The following WDR82 variants were observed in gnomAD, a reference collection of about 807,000 sequenced individuals.
WDR82 encodes the protein WD repeat-containing protein 82.
Under a neutral mutation model 36.1 loss-of-function variants are expected in WDR82, and 8 were observed. The ratio of observed to expected loss-of-function variants is 0.22; its 90% CI spans 0.13 to 0.40. The LOEUF (loss-of-function observed/expected upper bound fraction) is 0.40. Ranked by LOEUF, WDR82 falls within the 10% of genes least tolerant of loss-of-function variation. WDR82 has a pLI of 1.00. For synonymous variants in WDR82, 129 were observed against 137.8 expected, an observed-to-expected ratio of 0.94 and a Z score of 0.45; for missense variants, 185 against 400.5, an observed-to-expected ratio of 0.46 and a Z score of 4.59.
intron 1 of WDR82, among the ~76,000 whole-genome samples, chr3:52,275,322 A>G (rs6809248): frequency 0.16 from 25,087 of 152,166 alleles, 2,852 homozygotes; most frequent in African/African-American, 0.32. Flanking sequence ...AAAATTTTTC[A>G]TCATATTATT....
Position 52,270,750 on chromosome 3 carries a change from G to C in WDR82, c.221C>G (p.Ala74Gly), listed in dbSNP as rs1277597598. The change falls in exon 2 of 9, where the codon GCA becomes GGA. Residue 74 changes from alanine (A) to glycine (G), a missense_variant. Physicochemically the swap from Ala to Gly is moderately conservative, Grantham distance 60 (BLOSUM62 0). Coordinates refer to ENST00000296490, the MANE Select transcript of WDR82 (RefSeq NM_025222.4). The part of the protein sequence containing the change: ...YGVDLIRYTH[A>G]ANTVVYSSNK... ...AGAGCTGTAAACAACTGTGTTTGCTGCATGAGTGTATCTGATGAGGTCCAC... is the reference window on the plus strand; with the variant it reads ...AGAGCTGTAAACAACTGTGTTTGCTCCATGAGTGTATCTGATGAGGTCCAC... 1.9e-6 allele frequency: 3 copies of C among 1,613,406 alleles called. 1 individual carries two copies. The highest frequency in any genetic ancestry group is 4.5e-5 in the East Asian group (2 of 44,844).
At chr3:52,264,000 T>C (rs892120764) in intron 3 of WDR82, among the ~76,000 whole-genome samples, 1 of 151,990 alleles carries the variant, frequency 6.6e-6, no homozygotes, top group Non-Finnish European at 1.5e-5. Flanking sequence ...CCTGTCTCTA[T>C]AAAAACACAA....
intron 1 of WDR82, among the ~76,000 whole-genome samples, chr3:52,277,054 C>A (rs1578013352): frequency 7.6e-6 from 1 of 131,782 alleles, no homozygotes; most frequent in African/African-American, 2.8e-5. Context: ...TGGAGAAAAA[C>A]CCAAGATCTC....
chr3:52,257,452 C>T lies in WDR82; in HGVS notation c.*38G>A, dbSNP rs775255795. ...TCCCTCTGAGTTTCTTCCTGCTGGC[C>T]GCCCTCACTATACAGAAATAGCCAA... is the stretch of plus-strand genomic sequence containing the variant. On this transcript the variant is annotated 3_prime_UTR_variant, in exon 9 of 9. Coordinates refer to ENST00000296490, the MANE Select transcript of WDR82 (RefSeq NM_025222.4). 3.7e-6 allele frequency: 6 copies of T among 1,613,896 alleles called. No homozygotes were observed. Among genetic ancestry groups the T allele is most frequent in the South Asian group, 3.3e-5 (3 of 91,080 alleles).
chr3:52,262,031 A>T (rs1700066646), intron 3 of WDR82, among the ~76,000 whole-genome samples: 1 of 152,260 alleles, frequency 6.6e-6, no homozygotes, highest in South Asian at 2.1e-4. Flanking sequence ...TGGATGGACA[A>T]ACAAAATGTG....
chr3:52,274,290 G>A (rs1225262737), intron 1 of WDR82, among the ~76,000 whole-genome samples: 1 of 152,190 alleles, frequency 6.6e-6, no homozygotes, highest in Non-Finnish European at 1.5e-5. Flanking sequence ...GCCTTCGGCC[G>A]GTCACAGTAG....
At position 52,270,748 on chromosome 3, in the gene WDR82, C is replaced by T. The variant is rs1203689448; in HGVS notation, c.223G>A (p.Ala75Thr). Residue 75 changes from alanine to threonine, a missense_variant, in exon 2 of 9, where the codon GCA becomes ACA. Coordinates refer to ENST00000296490, the MANE Select transcript of WDR82 (RefSeq NM_025222.4). ...TTAGAGCTGTAAACAACTGTGTTTG[C>T]TGCATGAGTGTATCTGATGAGGTCC... ...GVDLIRYTHA[A>T]NTVVYSSNKI... The T allele has an allele frequency of 6.2e-7, 1 of 1,613,402 alleles. No individual in the cohort carries two copies. The highest frequency in any genetic ancestry group is 8.5e-7 in the Non-Finnish European group (1 of 1,179,694).
intron 1 of WDR82, among the ~76,000 whole-genome samples, chr3:52,274,304 A>C (rs1700181440): frequency 6.6e-6 from 1 of 152,244 alleles, no homozygotes; most frequent in Non-Finnish European, 1.5e-5. Context: ...ACAGTAGCTA[A>C]CACCTGTAAT....
chr3:52,266,367 A>G (rs1405239405), intron 3 of WDR82, among the ~76,000 whole-genome samples: 1 of 152,036 alleles, frequency 6.6e-6, no homozygotes, highest in Non-Finnish European at 1.5e-5. Flanking sequence ...TTCTAGTTTT[A>G]TATGTATATA....
intron 1 of WDR82, among the ~76,000 whole-genome samples, chr3:52,271,951 G>A (rs759165773): frequency 6.6e-6 from 1 of 152,140 alleles, no homozygotes; most frequent in Non-Finnish European, 1.5e-5. Context: ...TTAGCCGGGT[G>A]TGGTGGCACA....
At chr3:52,269,914 A>G (rs1177069555) in intron 2 of WDR82, among the ~76,000 whole-genome samples, 1 of 152,212 alleles carries the variant, frequency 6.6e-6, no homozygotes, top group South Asian at 2.1e-4. Context: ...TCAATTTCTA[A>G]AAGTAACTCT....
At chr3:52,265,232 G>A (rs1449205240) in intron 3 of WDR82, among the ~76,000 whole-genome samples, 1 of 141,842 alleles carries the variant, frequency 7.1e-6, no homozygotes, top group Non-Finnish European at 1.5e-5. Context: ...CCCAAGAGGC[G>A]GAGCCTGCAG....
chr3:52,278,375 G>A lies in WDR82; in HGVS notation c.-14C>T, dbSNP rs747554369. The A allele has an allele frequency of 1.5e-5, 23 of 1,522,172 alleles. No homozygotes were observed. In the African/African-American group the frequency reaches 2.9e-4, roughly 19 times the overall value. The allele number at this position is 1,522,172 out of a possible 1,614,324, so 94.3% of individuals were successfully genotyped here. On this transcript the variant is annotated 5_prime_UTR_variant, in exon 1 of 9. Coordinates refer to ENST00000296490, the MANE Select transcript of WDR82 (RefSeq NM_025222.4). ...GGTCAGCTTCATGGCGGCGGCTGGG[G>A]AAGGCAGCGGCGGCGCAGGGCCGGG...
chr3:52,265,707 T>C (rs918580232), intron 3 of WDR82, among the ~76,000 whole-genome samples: 2 of 151,782 alleles, frequency 1.3e-5, no homozygotes, highest in Non-Finnish European at 2.9e-5. Context: ...TCCGAAGTAG[T>C]AGGAATTACA....
chr3:52,273,161 T>C (rs1236478749), intron 1 of WDR82, among the ~76,000 whole-genome samples: 1 of 152,232 alleles, frequency 6.6e-6, no homozygotes, highest in African/African-American at 2.4e-5. Context: ...CCGGGCGCAG[T>C]GGCTCACGCC....
At chr3:52,270,305 A>T (rs560954412) in intron 2 of WDR82, among the ~76,000 whole-genome samples, 1 of 152,242 alleles carries the variant, frequency 6.6e-6, no homozygotes, top group Non-Finnish European at 1.5e-5. Flanking sequence ...TTTTTAGTAG[A>T]GACAAGGTTT....
intron 1 of WDR82, among the ~76,000 whole-genome samples, chr3:52,272,426 C>T (rs1483033141): frequency 6.6e-6 from 1 of 151,626 alleles, no homozygotes; most frequent in Non-Finnish European, 1.5e-5. Flanking sequence ...CGCCTGTAGT[C>T]CCAGCTACTC....
At position 52,257,188 on chromosome 3, in the gene WDR82, T is replaced by C. The variant is rs1174585241; in HGVS notation, c.*302A>G. On this transcript the variant is annotated 3_prime_UTR_variant, in exon 9 of 9. Coordinates refer to ENST00000296490, the MANE Select transcript of WDR82 (RefSeq NM_025222.4). ...GCAGCATGTACATTCAAATTGAAGA[T>C]GCTTGAGAGCCCCACTATACCAAAT... is the stretch of plus-strand genomic sequence containing the variant. 1.8e-5 allele frequency: 8 copies of C among 436,444 alleles called. No individual in the cohort carries two copies. The highest frequency in any genetic ancestry group is 3.0e-5 in the South Asian group (1 of 32,850). The allele number at this position is 436,444 out of a possible 1,614,324, so 27.0% of individuals were successfully genotyped here.
chr3:52,257,324 A>T lies in WDR82; in HGVS notation c.*166T>A. ...TCCTTTTGAAGACGCTCATCAAAGT[A>T]ATTATTTTCTTTTGAGCAGATGTAC... On this transcript the variant is annotated 3_prime_UTR_variant, in exon 9 of 9. Transcript: ENST00000296490. 4 of 881,456 alleles carry T rather than the reference A, an allele frequency of 4.5e-6. No homozygotes were observed. The highest frequency in any genetic ancestry group is 7.0e-6 in the Non-Finnish European group (4 of 573,984). The allele number at this position is 881,456 out of a possible 1,614,324, so 54.6% of individuals were successfully genotyped here.
Sources: allele counts gnomAD v4.1 joint callset (sites outside exome capture counted in the v4.1 genomes callset), GRCh38; gene constraint gnomAD v4.1.1; transcripts MANE v1.5; gene names NCBI Gene and HGNC (gene_info 2026-07-23, HGNC 2026-07-21).